Variants in KIAA1217 observed in about 807,000 individuals in gnomAD.
The protein encoded by KIAA1217 is KIAA1217.
A neutral mutation model predicts 163.9 loss-of-function variants in KIAA1217; 88 were observed. The ratio of observed to expected loss-of-function variants is 0.54; its 90% CI spans 0.45 to 0.64. KIAA1217 has a LOEUF of 0.64. Ranked by LOEUF, KIAA1217 falls within the 30% of genes least tolerant of loss-of-function variation. KIAA1217 has a pLI of 0.00. For missense variants in KIAA1217, 2,372 were observed against 2,475.0 expected (o/e 0.96, Z 0.88); for synonymous variants, 903 against 923.1 (o/e 0.98, Z 0.39).
At chr10:24,005,985 T>C (rs75459379) in intron 1 of KIAA1217, among the ~76,000 whole-genome samples, 3,387 of 152,246 alleles carry the variant, frequency 0.022, 140 homozygotes, top group African/African-American at 0.078. Flanking sequence ...AGAAATCAAA[T>C]GGTTTCGCCA....
intron 2 of KIAA1217, among the ~76,000 whole-genome samples, chr10:24,343,401 T>C (rs1278148899): frequency 6.6e-6 from 1 of 152,190 alleles, no homozygotes; most frequent in Admixed American, 6.5e-5. Context: ...TATTAGTTAG[T>C]CAATTTTGTG....
rs114592258 is a variant in KIAA1217 at position 23,946,899 on chromosome 10, C to T, written c.-320-60326C>T. 9.8e-3 allele frequency among the ~76,000 whole-genome samples: 1,494 copies of T among 152,260 alleles called. 29 individuals are homozygous for T. The highest frequency in any genetic ancestry group is 0.034 in the African/African-American group (1,408 of 41,540). The stretch of plus-strand genomic sequence containing the variant: ...TGAATTGTAGTTCCTACAATCCCCA[C>T]GTTTCGTGGGAGGGACCCAGTGGGA... On this transcript the variant is annotated intron_variant, in intron 1 of 18. Coordinates refer to the KIAA1217 transcript ENST00000376462.
At chr10:24,496,262 C>T (rs1004917227) in intron 8 of KIAA1217, among the ~76,000 whole-genome samples, 6 of 152,210 alleles carry the variant, frequency 3.9e-5, no homozygotes, top group African/African-American at 9.7e-5. Context: ...CTGATCCTGA[C>T]GGGATTTGTT....
rs183024392 is a variant in KIAA1217, at chr10:23,988,832, A to C, written c.-320-18393A>C. Among the ~76,000 whole-genome samples the C allele has an allele frequency of 1.4e-3, 215 of 152,294 alleles. 1 individual carries two copies. The highest frequency in any genetic ancestry group is 5.0e-3 in the African/African-American group (209 of 41,574). Reference sequence around the variant, plus strand: ...AAATGATATTGGGAAAATGACATTGACTTTTAAGAAATTAACACCAGTGTT... The same window carrying C: ...AAATGATATTGGGAAAATGACATTGCCTTTTAAGAAATTAACACCAGTGTT... On this transcript the variant is annotated intron_variant, in intron 1 of 18. Coordinates refer to the KIAA1217 transcript ENST00000376462.
At chr10:24,224,318 CT>C (rs2070142944) in intron 2 of KIAA1217, among the ~76,000 whole-genome samples, 1 of 151,960 alleles carries the variant, frequency 6.6e-6, no homozygotes, top group Non-Finnish European at 1.5e-5. Context: ...GGGCTAATAG[CT>C]TAATCTTTCT....
rs533248584 is a variant in KIAA1217 at position 24,181,130 on chromosome 10, A to G, written c.-170-38496A>G. Among the ~76,000 whole-genome samples, 5 of 152,336 alleles carry G rather than the reference A, an allele frequency of 3.3e-5. No individual in the cohort carries two copies. In the East Asian group the frequency reaches 9.6e-4, roughly 29 times the overall value. On this transcript the variant is annotated intron_variant, in intron 2 of 18. Coordinates refer to the KIAA1217 transcript ENST00000376462. ...GAGTCTGGCAGACATGGTCCCTGTT[A>G]TCTTGGAATTTCTTATTTAGTTTGG... is the stretch of plus-strand genomic sequence containing the variant.
intron 1 of KIAA1217, among the ~76,000 whole-genome samples, chr10:23,788,343 T>C (rs1048888016): frequency 6.6e-6 from 1 of 152,208 alleles, no homozygotes; most frequent in Non-Finnish European, 1.5e-5. Flanking sequence ...TTCATAGACC[T>C]TTATTTGCCA....
chr10:23,822,974 A>C lies in KIAA1217; in HGVS notation c.-321+127740A>C, dbSNP rs1038446633. On this transcript the variant is annotated intron_variant, in intron 1 of 18. Transcript: ENST00000376462. ...CTTTTTTATTAGGAGTTATTAACCT[A>C]TGTGTCCCCAAATTAAGCAGGATTT... Among the ~76,000 whole-genome samples the C allele has an allele frequency of 4.6e-5, 7 of 152,244 alleles. No individual in the cohort carries two copies. The South Asian group carries it at 6.2e-4, about 13-fold the overall frequency.
intron 2 of KIAA1217, among the ~76,000 whole-genome samples, chr10:24,243,915 A>C (rs1331364964): frequency 1.3e-5 from 2 of 152,316 alleles, no homozygotes; most frequent in East Asian, 3.9e-4. Context: ...TTGATCAATA[A>C]GTAGCGATCG....
At chr10:24,196,507 G>A (rs2066996636) in intron 2 of KIAA1217, among the ~76,000 whole-genome samples, 1 of 152,228 alleles carries the variant, frequency 6.6e-6, no homozygotes, top group Non-Finnish European at 1.5e-5. Flanking sequence ...CCAAGTATCG[G>A]GGATGATTAG....
intron 2 of KIAA1217, among the ~76,000 whole-genome samples, chr10:24,182,960 G>A (rs2066251312): frequency 6.6e-6 from 1 of 152,196 alleles, no homozygotes; most frequent in Non-Finnish European, 1.5e-5. Flanking sequence ...TAGGAGATGG[G>A]ATATAGTGAG....
At chr10:24,272,905 T>G (rs2076909071) in intron 2 of KIAA1217, among the ~76,000 whole-genome samples, 1 of 152,206 alleles carries the variant, frequency 6.6e-6, no homozygotes, top group Non-Finnish European at 1.5e-5. Flanking sequence ...AAACGTGGAA[T>G]AGCATCCACC....
chr10:23,746,572 C>T (rs986518766), intron 1 of KIAA1217, among the ~76,000 whole-genome samples: 1 of 151,930 alleles, frequency 6.6e-6, no homozygotes, highest in Non-Finnish European at 1.5e-5. Context: ...TACAGGCGCC[C>T]GCCACCACGC....
rs117017097 is a variant in KIAA1217, at chr10:24,113,159, G to T, written c.-171+105785G>T. On this transcript the variant is annotated intron_variant, in intron 2 of 18. Transcript: ENST00000376462. ...TAGCCAGGGATAACCCCTAGACCCG[G>T]ACATACAGCTTGATCATATTCTACC... 1.6e-3 allele frequency among the ~76,000 whole-genome samples: 239 copies of T among 152,238 alleles called. 3 individuals carry two copies. In the East Asian group the frequency reaches 0.029, roughly 18 times the overall value.
At chr10:23,907,618 G>A (rs758115869) in intron 1 of KIAA1217, among the ~76,000 whole-genome samples, 3 of 152,064 alleles carry the variant, frequency 2.0e-5, no homozygotes, top group Non-Finnish European at 2.9e-5. Flanking sequence ...GAGAGAGAGC[G>A]ATGTGCTCTT....
At chr10:23,710,788 C>T (rs1041673628) in intron 1 of KIAA1217, among the ~76,000 whole-genome samples, 1 of 152,046 alleles carries the variant, frequency 6.6e-6, no homozygotes, top group African/African-American at 2.4e-5. Flanking sequence ...AATGCCATTA[C>T]AAAATAATCT....
chr10:24,264,577 C>T (rs891767481), intron 2 of KIAA1217, among the ~76,000 whole-genome samples: 1 of 152,150 alleles, frequency 6.6e-6, no homozygotes, highest in Admixed American at 6.6e-5. Flanking sequence ...TGAGTGATAA[C>T]GTGTTTCCTT....
intron 14 of KIAA1217, 26 bp downstream of exon 14, chr10:24,528,145 T>C (rs1309079377): frequency 6.2e-7 from 1 of 1,607,964 alleles, no homozygotes; most frequent in Non-Finnish European, 8.5e-7. Context: ...ACAGCAGGAA[T>C]ATATGGAGGT....
chr10:24,362,204 A>C (rs2050124580), intron 2 of KIAA1217, among the ~76,000 whole-genome samples: 1 of 152,138 alleles, frequency 6.6e-6, no homozygotes, highest in Non-Finnish European at 1.5e-5. Context: ...TCCTCCCAGC[A>C]ACCTATTATG....
Sources: allele counts gnomAD v4.1 joint callset (sites outside exome capture counted in the v4.1 genomes callset), GRCh38; gene constraint gnomAD v4.1.1; transcripts MANE v1.5; gene names NCBI Gene and HGNC (gene_info 2026-07-23, HGNC 2026-07-21).